GFOD2: variants seen among roughly 807,000 people sequenced by gnomAD.
GFOD2 encodes the protein glucose-fructose oxidoreductase domain-containing protein 2.
In GFOD2, 9 loss-of-function variants were observed where a neutral mutation model predicts 24.6. The ratio of observed to expected loss-of-function variants is 0.37; its 90% confidence interval spans 0.22 to 0.64. GFOD2 has a LOEUF of 0.64. Among genes scored for constraint, GFOD2 ranks in the 30% least tolerant of loss-of-function variants. GFOD2 has a pLI of 0.65. For synonymous variants in GFOD2, 211 were observed against 224.8 expected (o/e 0.94, Z 0.55); for missense variants, 476 against 532.5 (o/e 0.89, Z 1.04).
In GFOD2 at chr16:67,715,568, T is replaced by C. The variant is rs553649407; in HGVS notation, c.-88+3595A>G. 1.8e-4 allele frequency among the ~76,000 whole-genome samples: 27 copies of C among 152,320 alleles called. 2 individuals carry two copies. The South Asian group carries it at 4.3e-3, about 25-fold the overall frequency. ...TTCATGAACCCAAGCTTTTCAAGTGTCTTTCATTCTCACTTTTTAAAACAC... is the reference window on the plus strand; with the variant it reads ...TTCATGAACCCAAGCTTTTCAAGTGCCTTTCATTCTCACTTTTTAAAACAC... On this transcript the variant is annotated intron_variant, in intron 1 of 2. Coordinates refer to ENST00000268797, the MANE Select transcript of GFOD2 (RefSeq NM_030819.4).
At chr16:67,706,937 T>C (rs981358607) in intron 1 of GFOD2, among the ~76,000 whole-genome samples, 1 of 151,606 alleles carries the variant, frequency 6.6e-6, no homozygotes, top group Non-Finnish European at 1.5e-5. Context: ...TGGGCACCTG[T>C]AGTCCCAGCT....
intron 2 of GFOD2, chr16:67,682,034 A>ACTTTT (rs201015136): frequency 1.7e-5 from 5 of 298,918 alleles, no homozygotes; most frequent in South Asian, 2.6e-4. Flanking sequence ...TTTTCTTTTT[A>ACTTTT]CTTTTCTTTT....
chr16:67,711,106 T>C (rs182345279), intron 1 of GFOD2, among the ~76,000 whole-genome samples: 14 of 152,326 alleles, frequency 9.2e-5, no homozygotes, highest in Admixed American at 5.9e-4. Flanking sequence ...GAAGGAAAAG[T>C]ACAATGTTCA....
At chr16:67,688,688 C>T (rs915212833) in intron 1 of GFOD2, among the ~76,000 whole-genome samples, 1 of 150,212 alleles carries the variant, frequency 6.7e-6, no homozygotes, top group Non-Finnish European at 1.5e-5. Flanking sequence ...TCTTTTTAAA[C>T]TTTAATGTTA....
At chr16:67,715,931 CCAG>C (rs2053503182) in intron 1 of GFOD2, among the ~76,000 whole-genome samples, 1 of 152,096 alleles carries the variant, frequency 6.6e-6, no homozygotes. Flanking sequence ...TCACTTGAGC[CCAG>C]GAGTCAGAGG....
chr16:67,675,122 C>G lies in GFOD2; in HGVS notation c.*33G>C. 6 of 1,584,380 alleles carry G rather than the reference C, an allele frequency of 3.8e-6. No individual in the cohort carries two copies. The highest frequency in any genetic ancestry group is 5.2e-6 in the Non-Finnish European group (6 of 1,163,218). On this transcript the variant is annotated 3_prime_UTR_variant, in exon 3 of 3. Transcript: ENST00000268797. ...TGGCTCCTGTTCCCCTCCCTGGTCC[C>G]TCTGCCCTGTGGCAAGGAGCCCAGG... is the stretch of plus-strand genomic sequence containing the variant.
chr16:67,690,145 A>G (rs868498637), intron 1 of GFOD2, among the ~76,000 whole-genome samples: 3 of 152,180 alleles, frequency 2.0e-5, no homozygotes, highest in African/African-American at 4.8e-5. Context: ...TGGTGTACAA[A>G]TATCTCTTCT....
intron 1 of GFOD2, among the ~76,000 whole-genome samples, chr16:67,692,654 G>C (rs2053323321): frequency 6.7e-6 from 1 of 150,218 alleles, no homozygotes; most frequent in Admixed American, 6.7e-5. Flanking sequence ...TTATACAAAT[G>C]AAAGGATACA....
intron 2 of GFOD2, among the ~76,000 whole-genome samples, chr16:67,679,894 A>C (rs868333721): frequency 1.7e-4 from 26 of 151,606 alleles, no homozygotes; most frequent in African/African-American, 5.1e-4. Flanking sequence ...CTCAAAAAAA[A>C]AAAAACAACA....
Position 67,675,931 on chromosome 16 carries a change from G to A in GFOD2, c.382C>T (p.Pro128Ser). Reference sequence around the variant, plus strand: ...AGCTGTTTCATGCGCACGAAGGCAGGCAGGAAGCGCAGCACGTTCCCTACC... The same window carrying A: ...AGCTGTTTCATGCGCACGAAGGCAGACAGGAAGCGCAGCACGTTCCCTACC... The part of the protein sequence containing the change: ...SLVGNVLRFL[P>S]AFVRMKQLIS... Residue 128 changes from proline (P) to serine (S), a missense_variant, in exon 3 of 3, where the codon CCT becomes TCT. Transcript: ENST00000268797. 1 of 1,614,246 alleles carries A rather than the reference G, an allele frequency of 6.2e-7. No homozygotes were observed. The highest frequency in any genetic ancestry group is 8.5e-7 in the Non-Finnish European group (1 of 1,180,052).
intron 1 of GFOD2, among the ~76,000 whole-genome samples, chr16:67,718,459 A>G (rs915272668): frequency 6.6e-6 from 1 of 152,056 alleles, no homozygotes; most frequent in Non-Finnish European, 1.5e-5. Context: ...TCTTCACACA[A>G]CCATTCCCAA....
chr16:67,697,494 C>A (rs1045354506), intron 1 of GFOD2, among the ~76,000 whole-genome samples: 1 of 152,122 alleles, frequency 6.6e-6, no homozygotes, highest in Non-Finnish European at 1.5e-5. Flanking sequence ...TCCCTTGTTC[C>A]ATGCAACCCT....
intron 2 of GFOD2, chr16:67,684,927 C>T (rs1013731220): frequency 3.1e-5 from 31 of 997,788 alleles, no homozygotes; most frequent in Non-Finnish European, 3.5e-5. Flanking sequence ...AGGCTGTCGA[C>T]GGATCCTGTC....
rs2053378195 is a variant in GFOD2, at chr16:67,698,846, G to C, written c.-87-13044C>G. 2.0e-5 allele frequency among the ~76,000 whole-genome samples: 3 copies of C among 152,130 alleles called. No individual in the cohort carries two copies. In the South Asian group the frequency reaches 6.2e-4, roughly 31 times the overall value. On this transcript the variant is annotated intron_variant, in intron 1 of 2. Coordinates refer to ENST00000268797, the MANE Select transcript of GFOD2 (RefSeq NM_030819.4). ...TAGAGTTTAGGAGACATTAGACACA[G>C]AGAACCAGTTAGGATATCAAGTAAG...
chr16:67,674,755 G>C lies in GFOD2; in HGVS notation c.*400C>G. 5.8e-6 allele frequency: 1 copy of C among 171,586 alleles called. No individual in the cohort carries two copies. The highest frequency in any genetic ancestry group is 1.2e-5 in the Non-Finnish European group (1 of 80,374). 10.6% of individuals were successfully genotyped at this position (171,586 alleles called of 1,614,324 possible). A position where few individuals can be genotyped will look rare whatever the true frequency, so the allele number is the denominator to read the frequency against. Reference sequence around the variant, plus strand: ...CCCTCACTGTTCCTGAGATGCCCCAGCCCAAGAACGAAACAAAACTTCTCA... The same window carrying C: ...CCCTCACTGTTCCTGAGATGCCCCACCCCAAGAACGAAACAAAACTTCTCA... On this transcript the variant is annotated 3_prime_UTR_variant, in exon 3 of 3. Transcript: ENST00000268797.
intron 1 of GFOD2, among the ~76,000 whole-genome samples, chr16:67,716,432 C>G (rs1172734170): frequency 5.3e-5 from 8 of 152,296 alleles, no homozygotes; most frequent in South Asian, 2.1e-4. Context: ...TCTCTGAAAA[C>G]AAGTGTTTTT....
intron 1 of GFOD2, among the ~76,000 whole-genome samples, chr16:67,716,311 T>C (rs1299356529): frequency 6.6e-6 from 1 of 152,232 alleles, no homozygotes; most frequent in Admixed American, 6.5e-5. Flanking sequence ...CCAGATATGA[T>C]AACTGCCCTC....
At chr16:67,706,085 C>T (rs2053437458) in intron 1 of GFOD2, among the ~76,000 whole-genome samples, 1 of 149,324 alleles carries the variant, frequency 6.7e-6, no homozygotes, top group Admixed American at 6.8e-5. Context: ...GGGGTTCAAG[C>T]AATTCTTCTG....
At chr16:67,681,472 A>G (rs896269595) in intron 2 of GFOD2, 9 of 928,620 alleles carry the variant, frequency 9.7e-6, no homozygotes, top group Non-Finnish European at 1.2e-5. Flanking sequence ...CCAGTGGTAT[A>G]ATCTTGGCTC....
Sources: allele counts gnomAD v4.1 joint callset (sites outside exome capture counted in the v4.1 genomes callset), GRCh38; gene constraint gnomAD v4.1.1; transcripts MANE v1.5; gene names NCBI Gene and HGNC (gene_info 2026-07-23, HGNC 2026-07-21).